Variants in COL4A1 observed in about 807,000 individuals in gnomAD.
The protein encoded by COL4A1 is collagen type IV alpha 1 chain.
In COL4A1, 40 loss-of-function variants were observed where a neutral mutation model predicts 216.6. That is an observed-to-expected ratio of 0.18 (90% CI 0.14 to 0.24). The LOEUF (loss-of-function observed/expected upper bound fraction) is 0.24, where lower values mean the gene tolerates loss of function less well. Among genes scored for constraint, COL4A1 ranks in the 10% least tolerant of loss-of-function variants. COL4A1 has a pLI of 1.00. For synonymous variants in COL4A1, 839 were observed against 810.7 expected, an observed-to-expected ratio of 1.03 and a Z score of -0.59; for missense variants, 1,628 against 2,196.8, an observed-to-expected ratio of 0.74 and a Z score of 5.18.
At chr13:110,185,552 C>A (rs953832350) in intron 26 of COL4A1, among the ~76,000 whole-genome samples, 1 of 150,492 alleles carries the variant, frequency 6.6e-6, no homozygotes. Flanking sequence ...TTCCTAGCAA[C>A]GCGCATTTAC....
intron 1 of COL4A1, among the ~76,000 whole-genome samples, chr13:110,274,732 A>AG (rs2139293397): frequency 6.6e-6 from 1 of 152,280 alleles, no homozygotes; most frequent in East Asian, 1.9e-4. Flanking sequence ...TCCGCTCATG[A>AG]GATCATAACA....
At chr13:110,229,451 T>C (rs892116124) in intron 2 of COL4A1, among the ~76,000 whole-genome samples, 1 of 152,156 alleles carries the variant, frequency 6.6e-6, no homozygotes, top group Non-Finnish European at 1.5e-5. Context: ...AATTACACAG[T>C]TACTTAAACA....
intron 42 of COL4A1, 54 bp downstream of exon 42, chr13:110,170,493 T>C: frequency 6.5e-7 from 1 of 1,532,178 alleles, no homozygotes; most frequent in Non-Finnish European, 8.8e-7. Flanking sequence ...CGCTATTTCC[T>C]TTTGTGAATT....
intron 1 of COL4A1, among the ~76,000 whole-genome samples, chr13:110,286,873 A>C (rs1028742099): frequency 6.6e-6 from 1 of 152,198 alleles, no homozygotes; most frequent in South Asian, 2.1e-4. Context: ...ACCTCCACTA[A>C]ACCCAAAGAG....
In COL4A1 at chr13:110,175,258, C is replaced by T. The variant is rs768591241; in HGVS notation, c.3158G>A (p.Gly1053Asp). 1 of 1,614,130 alleles carries T rather than the reference C, an allele frequency of 6.2e-7. No individual in the cohort carries two copies. Among genetic ancestry groups the T allele is most frequent in the African/African-American group, 1.3e-5 (1 of 75,060 alleles). Residue 1053 changes from glycine to aspartate, a missense_variant, in exon 37 of 52, where the codon GGC becomes GAC. This residue lies in a region of COL4A1 where 345 missense variants were observed against 476.9 expected (regional missense o/e 0.72). Transcript: ENST00000375820. ...CCCTGGGATGCCTATGCCAGGTGGGCCTGCCTGCCCTTTCTCTCCTTTTGC... is the reference window on the plus strand; with the variant it reads ...CCCTGGGATGCCTATGCCAGGTGGGTCTGCCTGCCCTTTCTCTCCTTTTGC... ...KGAKGEKGQA[G>D]PPGIGIPGLR... is the part of the protein sequence containing the mutation.
At position 110,177,025 on chromosome 13, in the gene COL4A1, A is replaced by C; in HGVS notation, c.2729T>G (p.Phe910Cys). 1 of 1,614,014 alleles carries C rather than the reference A, an allele frequency of 6.2e-7. No homozygotes were observed. The highest frequency in any genetic ancestry group is 1.1e-5 in the South Asian group (1 of 91,086). Residue 910 changes from phenylalanine (F) to cysteine (C), a missense_variant, in exon 34 of 52, where the codon TTT becomes TGT. By Grantham distance (205) the Phe-to-Cys change is radical. This residue lies in a region of COL4A1 where 701 missense variants were observed against 892.5 expected (regional missense o/e 0.79). Transcript: ENST00000375820. ...TCCCCTGGGTCCTGAGGAGCCCGGAAAGCCATGGTCCCCTGCAGAGGAAAG... is the reference window on the plus strand; with the variant it reads ...TCCCCTGGGTCCTGAGGAGCCCGGACAGCCATGGTCCCCTGCAGAGGAAAG... ...GLPGEKGDHG[F>C]PGSSGPRGDP... is the part of the protein sequence containing the mutation.
chr13:110,164,111 C>T (rs1009226127), intron 46 of COL4A1, among the ~76,000 whole-genome samples: 10 of 151,414 alleles, frequency 6.6e-5, no homozygotes, highest in African/African-American at 2.2e-4. Flanking sequence ...ACCTCAGCCT[C>T]TCGAGTAGCT....
intron 39 of COL4A1, among the ~76,000 whole-genome samples, 164 bp from the exon 40 acceptor site, chr13:110,174,162 G>C (rs1178426226): frequency 6.6e-6 from 1 of 152,150 alleles, no homozygotes; most frequent in Non-Finnish European, 1.5e-5. Context: ...AGGACCCTGC[G>C]TGCTTTCAGC....
intron 47 of COL4A1, 40 bp from the exon 48 acceptor site, chr13:110,162,482 C>G (rs1228807507): frequency 1.4e-6 from 2 of 1,393,908 alleles, no homozygotes; most frequent in Admixed American, 3.3e-5. Context: ...TAATTACAAA[C>G]ACGCTCCCCT....
chr13:110,221,467 C>T (rs1033357091), intron 2 of COL4A1, among the ~76,000 whole-genome samples: 1 of 152,152 alleles, frequency 6.6e-6, no homozygotes, highest in East Asian at 1.9e-4. Context: ...CATCCAAAAG[C>T]AAACAAACCA....
intron 39 of COL4A1, among the ~76,000 whole-genome samples, 186 bp downstream of exon 39, chr13:110,174,260 C>G (rs1304836998): frequency 6.6e-6 from 1 of 152,186 alleles, no homozygotes; most frequent in Non-Finnish European, 1.5e-5. Flanking sequence ...GTCCTAGATC[C>G]TGCTAGTGAC....
chr13:110,287,656 A>G (rs1238696587), intron 1 of COL4A1, among the ~76,000 whole-genome samples: 1 of 152,246 alleles, frequency 6.6e-6, no homozygotes. Flanking sequence ...TGAGCGCCGT[A>G]CAGTGGGATG....
intron 1 of COL4A1, among the ~76,000 whole-genome samples, chr13:110,243,783 A>C (rs1042691549): frequency 6.6e-5 from 10 of 152,254 alleles, no homozygotes; most frequent in African/African-American, 2.4e-4. Context: ...CAAGCATTTC[A>C]AGATAGGTAG....
chr13:110,275,666 GAACA>G (rs1293715987), intron 1 of COL4A1, among the ~76,000 whole-genome samples: 9 of 152,154 alleles, frequency 5.9e-5, no homozygotes, highest in African/African-American at 9.7e-5. Context: ...TTCACTAGGT[GAACA>G]AACAAACAAC....
Position 110,283,666 on chromosome 13 carries a change from C to T in COL4A1, c.84+23278G>A, listed in dbSNP as rs568826382. Among the ~76,000 whole-genome samples, 3 of 152,340 alleles carry T rather than the reference C, an allele frequency of 2.0e-5. No homozygotes were observed. The East Asian group carries it at 5.8e-4, about 29-fold the overall frequency. ...ACACAGGCATGTGCATGCTCTCACA[C>T]TCATGCACACACCCACACATGCACA... On this transcript the variant is annotated intron_variant, in intron 1 of 51. Coordinates refer to ENST00000375820, the MANE Select transcript of COL4A1 (RefSeq NM_001845.6).
chr13:110,297,240 C>G (rs1471621011), intron 1 of COL4A1, among the ~76,000 whole-genome samples: 2 of 152,156 alleles, frequency 1.3e-5, no homozygotes, highest in Non-Finnish European at 2.9e-5. Flanking sequence ...GGGCCAGCCA[C>G]CAGTCAACTC....
intron 51 of COL4A1, among the ~76,000 whole-genome samples, chr13:110,151,084 G>A (rs1381780748): frequency 2.0e-5 from 3 of 152,016 alleles, no homozygotes; most frequent in African/African-American, 7.2e-5. Flanking sequence ...GGTAAAATCT[G>A]AACTAAAATT....
chr13:110,261,863 G>A (rs1413539372), intron 1 of COL4A1, among the ~76,000 whole-genome samples: 4 of 152,180 alleles, frequency 2.6e-5, no homozygotes, highest in African/African-American at 9.6e-5. Flanking sequence ...GGCCAGAGCA[G>A]AGCCGGGACA....
chr13:110,306,639 G>C (rs541299986), intron 1 of COL4A1, among the ~76,000 whole-genome samples: 1 of 152,328 alleles, frequency 6.6e-6, no homozygotes, highest in South Asian at 2.1e-4. Flanking sequence ...CCGCGACGCG[G>C]GTTCAAATCC....
Sources: gnomAD v4.1 joint callset for allele counts (sites outside exome capture counted in the v4.1 genomes callset) on GRCh38, gnomAD v4.1.1 for gene constraint, gnomAD v4.1.1 regional missense constraint, MANE v1.5 for transcripts, NCBI Gene and HGNC (gene_info 2026-07-23, HGNC 2026-07-21) for gene names.